Variants in SERPINB12 observed in about 807,000 individuals in gnomAD.
The protein encoded by SERPINB12 is serpin B12.
A neutral mutation model predicts 41.1 loss-of-function variants in SERPINB12; 57 were observed. That is an observed-to-expected ratio of 1.39 (90% CI 1.12 to 1.73). The LOEUF (loss-of-function observed/expected upper bound fraction) is 1.73. SERPINB12 is among the 40% of genes most tolerant of loss of function. The pLI, the probability that SERPINB12 is intolerant of heterozygous loss-of-function variation, is 0.00. For synonymous variants in SERPINB12, 180 were observed against 181.3 expected (o/e 0.99, Z 0.06); for missense variants, 536 against 501.9 (o/e 1.07, Z -0.65).
At chr18:63,519,204 C>T in the SERPINB12 span, among the ~76,000 whole-genome samples, 1 of 152,130 alleles carries the variant, frequency 6.6e-6, no homozygotes, top group Non-Finnish European at 1.5e-5. Context: ...GGGGACTCAG[C>T]CCCAACTTAC....
the SERPINB12 span, among the ~76,000 whole-genome samples, chr18:63,528,664 C>T: frequency 4.6e-5 from 7 of 152,070 alleles, no homozygotes; most frequent in South Asian, 1.5e-3. Context: ...AATTTTAGAC[C>T]AGGCAAGCAG....
the SERPINB12 span, among the ~76,000 whole-genome samples, chr18:63,533,275 C>T: frequency 6.6e-6 from 1 of 152,182 alleles, no homozygotes; most frequent in African/African-American, 2.4e-5. Flanking sequence ...CACGCCCGGC[C>T]TCGTATTTCT....
chr18:63,527,800 A>G, the SERPINB12 span, among the ~76,000 whole-genome samples: 1 of 152,192 alleles, frequency 6.6e-6, no homozygotes, highest in Non-Finnish European at 1.5e-5. Flanking sequence ...CTCAAGTAGA[A>G]TCAACATCAA....
At chr18:63,559,342 A>C in intron 3 of SERPINB12, among the ~76,000 whole-genome samples, 1 of 151,716 alleles carries the variant, frequency 6.6e-6, no homozygotes, top group African/African-American at 2.4e-5. Context: ...CCCCAGATGT[A>C]TTTTTCCTGG....
chr18:63,519,643 T>C, the SERPINB12 span, among the ~76,000 whole-genome samples: 1 of 152,188 alleles, frequency 6.6e-6, no homozygotes, highest in East Asian at 1.9e-4. Flanking sequence ...GCCTCTTTCA[T>C]GTTAGGGAAC....
intron 5 of SERPINB12, among the ~76,000 whole-genome samples, chr18:63,562,424 G>A (rs1256038982): frequency 6.6e-6 from 1 of 152,174 alleles, no homozygotes; most frequent in African/African-American, 2.4e-5. Context: ...CATGACCCCA[G>A]GCATTTGCAT....
the SERPINB12 span, among the ~76,000 whole-genome samples, chr18:63,530,150 G>T: frequency 6.6e-6 from 1 of 152,154 alleles, no homozygotes; most frequent in Non-Finnish European, 1.5e-5. Context: ...TCCCAGCCAG[G>T]TTGCTCTTCA....
intron 6 of SERPINB12, among the ~76,000 whole-genome samples, chr18:63,564,489 A>T (rs1237277692): frequency 1.3e-5 from 2 of 152,200 alleles, no homozygotes; most frequent in African/African-American, 4.8e-5. Context: ...TTAGAATGGG[A>T]GGAAACAGAA....
At chr18:63,563,801 C>T (rs1168287816) in intron 5 of SERPINB12, among the ~76,000 whole-genome samples, 177 bp from the exon 6 acceptor site, 1 of 151,624 alleles carries the variant, frequency 6.6e-6, no homozygotes, top group African/African-American at 2.4e-5. Context: ...GCGGCTGAGG[C>T]AGGAGAATCG....
At position 63,566,622 on chromosome 18, in the gene SERPINB12, A is replaced by T. The variant is rs768414616; in HGVS notation, c.889A>T (p.Thr297Ser). 2.5e-6 allele frequency: 4 copies of T among 1,606,670 alleles called. No homozygotes were observed. Among genetic ancestry groups the T allele is most frequent in the Non-Finnish European group, 2.5e-6 (3 of 1,177,808 alleles). Residue 297 changes from threonine (T) to serine (S), a missense_variant, in exon 8 of 8, where the codon ACC (threonine) becomes TCC (serine). Physicochemically the swap from Thr to Ser is moderately conservative, Grantham distance 58. Coordinates refer to ENST00000382768, the MANE Select transcript of SERPINB12 (RefSeq NM_001307928.2). Reference protein sequence around the residue: ...KGLEELERKITYEKMVAWSSS... With the variant: ...KGLEELERKISYEKMVAWSSS... ...CCTCTTGTAGCTTGAAAGGAAAATC[A>T]CCTATGAAAAAATGGTGGCCTGGAG...
chr18:63,529,030 G>C, the SERPINB12 span, among the ~76,000 whole-genome samples: 1 of 152,066 alleles, frequency 6.6e-6, no homozygotes, highest in South Asian at 2.1e-4. Context: ...CAGTTCCAGG[G>C]GCCATTGATC....
intron 3 of SERPINB12, among the ~76,000 whole-genome samples, chr18:63,559,008 T>TTCTTTCTTTCTC (rs1334795087): frequency 7.3e-4 from 39 of 53,204 alleles, no homozygotes; most frequent in African/African-American, 2.0e-3. Flanking sequence ...CCTTCCTTCT[T>TTCTTTCTTTCTC]TCTTTCTTTC....
the SERPINB12 span, among the ~76,000 whole-genome samples, chr18:63,533,558 G>A: frequency 6.6e-6 from 1 of 152,184 alleles, no homozygotes; most frequent in African/African-American, 2.4e-5. Context: ...CAGAGGCATA[G>A]TTTTAATCCT....
chr18:63,561,927 C>T (rs999056561), intron 5 of SERPINB12, among the ~76,000 whole-genome samples: 2 of 152,100 alleles, frequency 1.3e-5, no homozygotes, highest in African/African-American at 2.4e-5. Flanking sequence ...GAAAAACTAC[C>T]TATAGGGTAC....
In SERPINB12 at chr18:63,567,726, G is replaced by C. The variant is rs1911159601; in HGVS notation, c.*715G>C. Among the ~76,000 whole-genome samples, 2 of 152,230 alleles carry C rather than the reference G, an allele frequency of 1.3e-5. No individual in the cohort carries two copies. The highest frequency in any genetic ancestry group is 2.4e-5 in the African/African-American group (1 of 41,462). On this transcript the variant is annotated 3_prime_UTR_variant, in exon 8 of 8. Transcript: ENST00000382768. ...GTGGATTTAGAGGAGGTTTATCTCAGTTTTCCTTATTGAGTCCCCCAACAT... is the reference window on the plus strand; with the variant it reads ...GTGGATTTAGAGGAGGTTTATCTCACTTTTCCTTATTGAGTCCCCCAACAT...
Position 63,567,643 on chromosome 18 carries a change from C to T in SERPINB12, c.*632C>T, listed in dbSNP as rs570368812. On this transcript the variant is annotated 3_prime_UTR_variant, in exon 8 of 8. Transcript: ENST00000382768. The stretch of plus-strand genomic sequence containing the variant: ...TGCCCCAACCAGCACTCATTTTGCA[C>T]AGAGCAGGGGAATGATATTTGTCTT... Among the ~76,000 whole-genome samples, 15 of 152,316 alleles carry T rather than the reference C, an allele frequency of 9.8e-5. No homozygotes were observed. The South Asian group carries it at 3.1e-3, about 32-fold the overall frequency.
chr18:63,525,193 G>C, the SERPINB12 span, among the ~76,000 whole-genome samples: 1 of 151,468 alleles, frequency 6.6e-6, no homozygotes, highest in Non-Finnish European at 1.5e-5. Flanking sequence ...TCTGTATTTT[G>C]AAACAACCAT....
chr18:63,542,813 G>A (rs928512910), intron 1 of SERPINB12, among the ~76,000 whole-genome samples: 2 of 152,008 alleles, frequency 1.3e-5, no homozygotes, highest in Admixed American at 1.3e-4. Context: ...CCTCAAGTAG[G>A]TCCCAGTATC....
intron 4 of SERPINB12, 43 bp downstream of exon 4, chr18:63,559,761 A>G (rs775184237): frequency 3.1e-6 from 5 of 1,605,372 alleles, no homozygotes; most frequent in Non-Finnish European, 4.3e-6. Flanking sequence ...CATGTAGCAT[A>G]CTATTTAAAA....
Sources: gnomAD v4.1 joint callset for allele counts (sites outside exome capture counted in the v4.1 genomes callset) on GRCh38, gnomAD v4.1.1 for gene constraint, MANE v1.5 for transcripts, NCBI Gene and HGNC (gene_info 2026-07-23, HGNC 2026-07-21) for gene names.